Variants in VPS13B observed in about 807,000 individuals in gnomAD.
VPS13B encodes intermembrane lipid transfer protein VPS13B.
A neutral mutation model predicts 426.4 loss-of-function variants in VPS13B; 285 were observed. That is an observed-to-expected ratio of 0.67 (90% CI 0.61 to 0.74). VPS13B has a LOEUF of 0.74. Ranked by LOEUF, VPS13B falls within the 30% of genes least tolerant of loss-of-function variation. The probability of loss-of-function intolerance (pLI) is 0.00; values close to 1 mark genes in which losing one functional copy is unlikely to be tolerated. For missense variants in VPS13B, 4,537 were observed against 4,782.6 expected (o/e 0.95, Z 1.51); for synonymous variants, 1,676 against 1,676.4 (o/e 1.00, Z 0.01).
intron 35 of VPS13B, among the ~76,000 whole-genome samples, chr8:99,671,127 C>T (rs564119020): frequency 1.3e-5 from 2 of 152,120 alleles, no homozygotes; most frequent in Non-Finnish European, 2.9e-5. Flanking sequence ...TTCCTTTTCT[C>T]CACATCCTTG....
intron 28 of VPS13B, among the ~76,000 whole-genome samples, chr8:99,509,640 C>A (rs914696050): frequency 4.0e-5 from 6 of 151,738 alleles, no homozygotes; most frequent in African/African-American, 1.5e-4. Flanking sequence ...TCCTATTTCT[C>A]TTTTTTTTCT....
chr8:99,543,790 A>C (rs1823782156), intron 30 of VPS13B, among the ~76,000 whole-genome samples: 1 of 151,640 alleles, frequency 6.6e-6, no homozygotes, highest in Non-Finnish European at 1.5e-5. Flanking sequence ...TTAGAATGGC[A>C]ATCATAAAAA....
intron 13 of VPS13B, among the ~76,000 whole-genome samples, chr8:99,143,680 G>A (rs886829722): frequency 3.3e-5 from 5 of 152,180 alleles, no homozygotes; most frequent in Non-Finnish European, 5.9e-5. Flanking sequence ...TAATGAGGAA[G>A]TATAAGATAA....
At chr8:99,714,919 T>G (rs866750072) in intron 36 of VPS13B, among the ~76,000 whole-genome samples, 64 of 152,090 alleles carry the variant, frequency 4.2e-4, no homozygotes, top group Admixed American at 4.6e-4. Context: ...GTGGGAAAAA[T>G]GGCAAAAATT....
At chr8:99,310,692 C>T (rs1820910858) in intron 19 of VPS13B, among the ~76,000 whole-genome samples, 1 of 152,148 alleles carries the variant, frequency 6.6e-6, no homozygotes, top group Admixed American at 6.5e-5. Flanking sequence ...CAGGATGATG[C>T]TGGCCTCATA....
At chr8:99,824,325 A>G (rs1814542761) in intron 51 of VPS13B, among the ~76,000 whole-genome samples, 1 of 152,188 alleles carries the variant, frequency 6.6e-6, no homozygotes, top group Admixed American at 6.5e-5. Context: ...ATGGAAAAGC[A>G]CATCTGTCTC....
intron 33 of VPS13B, among the ~76,000 whole-genome samples, chr8:99,585,066 G>C (rs760550879): frequency 2.0e-5 from 3 of 152,276 alleles, no homozygotes; most frequent in Middle Eastern, 3.4e-3. Flanking sequence ...AGCAGTAAGG[G>C]AGTATACATT....
intron 2 of VPS13B, among the ~76,000 whole-genome samples, chr8:99,020,746 A>G (rs1227816959): frequency 6.6e-6 from 1 of 152,164 alleles, no homozygotes; most frequent in African/African-American, 2.4e-5. Flanking sequence ...AAATCATTTG[A>G]CCATAGATGT....
At chr8:99,657,122 A>G (rs567317193) in intron 34 of VPS13B, among the ~76,000 whole-genome samples, 2 of 152,136 alleles carry the variant, frequency 1.3e-5, no homozygotes, top group South Asian at 4.2e-4. Context: ...CAGTTGGTTT[A>G]TTGTGTCTCC....
At chr8:99,483,736 G>GAGA (rs1234114802) in intron 25 of VPS13B, among the ~76,000 whole-genome samples, 1 of 152,106 alleles carries the variant, frequency 6.6e-6, no homozygotes, top group African/African-American at 2.4e-5. Context: ...ATTTTGGAGT[G>GAGA]CTCACTCAAC....
chr8:99,159,713 G>T (rs1327021471), intron 15 of VPS13B, among the ~76,000 whole-genome samples: 1 of 152,166 alleles, frequency 6.6e-6, no homozygotes, highest in Non-Finnish European at 1.5e-5. Flanking sequence ...AGGCCGTAGT[G>T]CAGTGGCATG....
Position 99,147,888 on chromosome 8 carries a change from C to T in VPS13B, c.1891C>T (p.Leu631Phe), listed in dbSNP as rs1810826717. ...ETILNPEEVA[L>F]LEEYIPTRHT... The stretch of plus-strand genomic sequence containing the variant: ...AATACTGAATCCTGAAGAGGTGGCT[C>T]TTCTGGAGGAATATATTCCTACTCG... Residue 631 changes from leucine to phenylalanine, a missense_variant, in exon 14 of 62, where the codon CTT becomes TTT. This residue lies in a region of VPS13B where 4,311 missense variants were observed against 4,474.3 expected (regional missense o/e 0.96). Transcript: ENST00000357162. The T allele has an allele frequency of 6.2e-6, 10 of 1,610,352 alleles. No homozygotes were observed. Among genetic ancestry groups the T allele is most frequent in the Non-Finnish European group, 7.6e-6 (9 of 1,178,646 alleles).
chr8:99,558,028 TC>T (rs1824684475), intron 31 of VPS13B, among the ~76,000 whole-genome samples: 1 of 152,180 alleles, frequency 6.6e-6, no homozygotes, highest in Non-Finnish European at 1.5e-5. Flanking sequence ...TCTGAAGACT[TC>T]ATTGTATGCC....
intron 30 of VPS13B, among the ~76,000 whole-genome samples, chr8:99,553,587 A>T (rs185117775): frequency 1.3e-5 from 2 of 152,190 alleles, no homozygotes; most frequent in African/African-American, 4.8e-5. Context: ...ATTTATCTTT[A>T]TAATAGTCAT....
chr8:99,134,685 T>C lies in VPS13B; in HGVS notation c.1260T>C (p.Ser420=). 1.2e-6 allele frequency: 2 copies of C among 1,610,516 alleles called. No homozygotes were observed. The highest frequency in any genetic ancestry group is 1.7e-6 in the Non-Finnish European group (2 of 1,178,096). ...ATTACAGTCCACAGAAAGTAAAATC[T>C]AAAGAAGTATTGTGTTGGGAACAAG... is the stretch of plus-strand genomic sequence containing the variant. ...SSYYSPQKVK[S]KEVLCWEQEG... is the part of the protein sequence containing the mutation. The change falls in exon 9 of 62, where the codon TCT becomes TCC. Residue 420 remains serine (S), a synonymous_variant. Coordinates refer to ENST00000357162, the MANE Select transcript of VPS13B (RefSeq NM_152564.5).
chr8:99,859,915 TG>T (rs1327506634), intron 57 of VPS13B, among the ~76,000 whole-genome samples: 1 of 152,104 alleles, frequency 6.6e-6, no homozygotes, highest in Non-Finnish European at 1.5e-5. Context: ...GATTTGGGGG[TG>T]AAACAGCCAA....
chr8:99,312,639 T>C (rs1042200888), intron 19 of VPS13B, among the ~76,000 whole-genome samples: 3 of 152,192 alleles, frequency 2.0e-5, no homozygotes, highest in African/African-American at 7.2e-5. Flanking sequence ...ATCTGACAAT[T>C]ATGTGTCTTG....
chr8:99,560,971 T>C (rs1435659360), intron 31 of VPS13B, among the ~76,000 whole-genome samples: 1 of 152,210 alleles, frequency 6.6e-6, no homozygotes, highest in East Asian at 1.9e-4. Flanking sequence ...TCCTATTTGT[T>C]CTTTAATTCA....
chr8:99,382,466 T>C (rs568536805), intron 19 of VPS13B, among the ~76,000 whole-genome samples: 2 of 152,326 alleles, frequency 1.3e-5, no homozygotes, highest in East Asian at 1.9e-4. Context: ...GAGCATGGAA[T>C]GTTTTTCCAT....
Sources: gnomAD v4.1 joint callset for allele counts (sites outside exome capture counted in the v4.1 genomes callset) on GRCh38, gnomAD v4.1.1 for gene constraint, gnomAD v4.1.1 regional missense constraint, MANE v1.5 for transcripts, NCBI Gene and HGNC (gene_info 2026-07-23, HGNC 2026-07-21) for gene names.